The following SNX29 variants were observed in gnomAD, a reference collection of about 807,000 sequenced individuals.
The protein encoded by SNX29 is sorting nexin 29, also known as sorting nexin-29.
SNX29 carries 78 observed loss-of-function variants against 102.1 expected under a neutral mutation model. That is an observed-to-expected ratio of 0.76 (90% CI 0.64 to 0.92). The LOEUF (loss-of-function observed/expected upper bound fraction) is 0.92, where lower values mean the gene tolerates loss of function less well. Among genes scored for constraint, SNX29 ranks in the 40% least tolerant of loss-of-function variants. SNX29 has a pLI of 0.00. For missense variants in SNX29, 1,280 were observed against 1,061.7 expected, an observed-to-expected ratio of 1.21 and a Z score of -2.86; for synonymous variants, 580 against 414.5, an observed-to-expected ratio of 1.40 and a Z score of -4.85.
intron 15 of SNX29, among the ~76,000 whole-genome samples, chr16:12,353,787 G>A (rs1173143440): frequency 6.6e-6 from 1 of 152,244 alleles, no homozygotes; most frequent in African/African-American, 2.4e-5. Flanking sequence ...GGCTGGGGCT[G>A]CATCTTGAAG....
chr16:12,221,678 G>A (rs111520819), intron 14 of SNX29, among the ~76,000 whole-genome samples: 2,482 of 152,280 alleles, frequency 0.016, 68 homozygotes, highest in African/African-American at 0.057. Flanking sequence ...CCAGCAACTT[G>A]GGTTTAACTT....
intron 3 of SNX29, among the ~76,000 whole-genome samples, chr16:12,004,232 T>C (rs1025034892): frequency 8.6e-5 from 13 of 150,778 alleles, no homozygotes; most frequent in African/African-American, 2.7e-4. Flanking sequence ...TCCCAGCTAC[T>C]TGGGAGACTG....
intron 16 of SNX29, among the ~76,000 whole-genome samples, chr16:12,365,159 C>G (rs917667757): frequency 6.6e-6 from 1 of 152,090 alleles, no homozygotes; most frequent in Non-Finnish European, 1.5e-5. Flanking sequence ...TTTATGTTTT[C>G]CAATTTCAAG....
At chr16:12,428,789 G>A (rs1419098467) in intron 18 of SNX29, among the ~76,000 whole-genome samples, 1 of 151,606 alleles carries the variant, frequency 6.6e-6, no homozygotes, top group Non-Finnish European at 1.5e-5. Context: ...ACATAGATAC[G>A]ATGGCAATTA....
At chr16:12,287,455 C>A (rs544176207) in intron 15 of SNX29, among the ~76,000 whole-genome samples, 60 of 152,258 alleles carry the variant, frequency 3.9e-4, no homozygotes, top group African/African-American at 1.4e-3. Flanking sequence ...CACCCTACTT[C>A]AATAGTTATC....
intron 20 of SNX29, among the ~76,000 whole-genome samples, chr16:12,560,310 C>T (rs566614701): frequency 1.3e-5 from 2 of 152,200 alleles, no homozygotes; most frequent in South Asian, 4.2e-4. Context: ...CTCAAAATGT[C>T]ATGAAAAAAT....
At chr16:12,091,259 T>C (rs1044974525) in intron 11 of SNX29, among the ~76,000 whole-genome samples, 9 of 151,936 alleles carry the variant, frequency 5.9e-5, no homozygotes, top group Non-Finnish European at 1.2e-4. Context: ...TCACACCCGC[T>C]CCCCCTCCTT....
At chr16:12,099,768 A>G (rs1362286712) in intron 11 of SNX29, among the ~76,000 whole-genome samples, 3 of 152,154 alleles carry the variant, frequency 2.0e-5, no homozygotes, top group South Asian at 4.1e-4. Flanking sequence ...CAGAATGCCT[A>G]TTGTGCCTAT....
chr16:12,301,812 T>A (rs1567414858), intron 15 of SNX29, among the ~76,000 whole-genome samples: 1 of 152,200 alleles, frequency 6.6e-6, no homozygotes, highest in Admixed American at 6.5e-5. Flanking sequence ...TGCCTTGCCC[T>A]ATGGACAGAG....
rs1000375085 is a variant in SNX29, at chr16:12,570,622, G to A, written c.*1993G>A. 2.2e-5 allele frequency: 5 copies of A among 231,952 alleles called. No individual in the cohort carries two copies. The highest frequency in any genetic ancestry group is 6.1e-5 in the East Asian group (1 of 16,412). 14.4% of individuals were successfully genotyped at this position (231,952 alleles called of 1,614,324 possible). A position where few individuals can be genotyped will look rare whatever the true frequency, so the allele number is the denominator to read the frequency against. ...GGAGGTCATCTCCCTGTTCTCTGTTGGATAAAGGAACCTCCCCCATCTGTG... is the reference window on the plus strand; with the variant it reads ...GGAGGTCATCTCCCTGTTCTCTGTTAGATAAAGGAACCTCCCCCATCTGTG... On this transcript the variant is annotated 3_prime_UTR_variant, in exon 21 of 21. Coordinates refer to ENST00000566228, the MANE Select transcript of SNX29 (RefSeq NM_032167.5).
In SNX29 at chr16:12,540,358, A is replaced by G. The variant is rs936434864; in HGVS notation, c.2318+15517A>G. Among the ~76,000 whole-genome samples the G allele has an allele frequency of 1.1e-4, 17 of 152,284 alleles. No homozygotes were observed. The East Asian group carries it at 2.1e-3, about 19-fold the overall frequency. On this transcript the variant is annotated intron_variant, in intron 20 of 20. Transcript: ENST00000566228. Reference sequence around the variant, plus strand: ...ATTAAAGAGGAACGTTATCCCCTGTATTAATTTCTTATTGTTGCCCTACCA... The same window carrying G: ...ATTAAAGAGGAACGTTATCCCCTGTGTTAATTTCTTATTGTTGCCCTACCA...
At chr16:12,412,710 TATA>T (rs1212749423) in intron 18 of SNX29, among the ~76,000 whole-genome samples, 1 of 152,258 alleles carries the variant, frequency 6.6e-6, no homozygotes, top group African/African-American at 2.4e-5. Context: ...CATTCAGAAT[TATA>T]ATTTTTTACT....
intron 20 of SNX29, chr16:12,546,289 G>A (rs911041477): frequency 2.6e-5 from 4 of 152,236 alleles, no homozygotes; most frequent in African/African-American, 9.6e-5. Flanking sequence ...TCACAGTGCT[G>A]ATAAAGACAT....
chr16:12,557,023 C>CCCCCCCCT (rs1555458244), intron 20 of SNX29, among the ~76,000 whole-genome samples: 3 of 120,798 alleles, frequency 2.5e-5, no homozygotes, highest in Admixed American at 8.6e-5. Context: ...TTACCCCCCC[C>CCCCCCCCT]CCGCCCCAAG....
At chr16:12,282,306 T>A (rs946651500) in intron 15 of SNX29, among the ~76,000 whole-genome samples, 5 of 152,056 alleles carry the variant, frequency 3.3e-5, no homozygotes, top group African/African-American at 1.2e-4. Context: ...TGCAGCAATA[T>A]CAGCCATTTG....
At chr16:12,302,567 C>A (rs895152421) in intron 15 of SNX29, among the ~76,000 whole-genome samples, 1 of 152,178 alleles carries the variant, frequency 6.6e-6, no homozygotes, top group Non-Finnish European at 1.5e-5. Flanking sequence ...GACAGGGGGT[C>A]TCTGGGGCCT....
At chr16:12,128,791 C>G (rs752133764) in intron 12 of SNX29, among the ~76,000 whole-genome samples, 1 of 151,798 alleles carries the variant, frequency 6.6e-6, no homozygotes, top group Non-Finnish European at 1.5e-5. Flanking sequence ...GGCAAGTGTC[C>G]TCTGGATTTA....
At chr16:12,032,843 C>G (rs2057381941) in intron 4 of SNX29, among the ~76,000 whole-genome samples, 1 of 151,580 alleles carries the variant, frequency 6.6e-6, no homozygotes, top group Non-Finnish European at 1.5e-5. Context: ...CTTGCCAACT[C>G]CATAGCCTTG....
At chr16:12,474,568 C>T (rs1026774663) in intron 18 of SNX29, among the ~76,000 whole-genome samples, 2 of 152,106 alleles carry the variant, frequency 1.3e-5, no homozygotes, top group Non-Finnish European at 2.9e-5. Flanking sequence ...AAACAGTGGG[C>T]TCTTGCATAT....
Sources: gnomAD v4.1 joint callset for allele counts (sites outside exome capture counted in the v4.1 genomes callset) on GRCh38, gnomAD v4.1.1 for gene constraint, MANE v1.5 for transcripts, NCBI Gene and HGNC (gene_info 2026-07-23, HGNC 2026-07-21) for gene names.